Variants in OR1J2 observed in about 807,000 individuals in gnomAD.
The protein encoded by OR1J2 is olfactory receptor 1J2.
For missense variants in OR1J2, 304 were observed against 246.1 expected (o/e 1.24, Z -1.57); for synonymous variants, 142 against 99.7 (o/e 1.42, Z -2.52).
At chr9:122,457,568 C>T in the OR1J2 span, among the ~76,000 whole-genome samples, 1 of 150,102 alleles carries the variant, frequency 6.7e-6, no homozygotes, top group African/African-American at 2.4e-5. Context: ...GAAACTATGG[C>T]CCATTCATGG....
the OR1J2 span, among the ~76,000 whole-genome samples, chr9:122,525,968 A>C: frequency 6.6e-6 from 1 of 152,238 alleles, no homozygotes; most frequent in South Asian, 2.1e-4. Flanking sequence ...GCTCAGTGTC[A>C]TAACCCTAGC....
chr9:122,449,976 G>A, the OR1J2 span, among the ~76,000 whole-genome samples: 13 of 152,076 alleles, frequency 8.5e-5, no homozygotes, highest in African/African-American at 2.9e-4. Flanking sequence ...TTTGCCATAT[G>A]TTCCTTGGGC....
the OR1J2 span, among the ~76,000 whole-genome samples, chr9:122,462,106 A>C: frequency 6.6e-6 from 1 of 152,152 alleles, no homozygotes; most frequent in Admixed American, 6.5e-5. Flanking sequence ...CTCTAGTGTT[A>C]GGTGCATATA....
At chr9:122,526,453 G>A in the OR1J2 span, 1 of 1,537,458 alleles carries the variant, frequency 6.5e-7, no homozygotes, top group Non-Finnish European at 8.7e-7. Flanking sequence ...TTCAACATGG[G>A]AGTCACTATG....
At chr9:122,533,615 G>A in the OR1J2 span, among the ~76,000 whole-genome samples, 1 of 152,128 alleles carries the variant, frequency 6.6e-6, no homozygotes, top group East Asian at 1.9e-4. Flanking sequence ...AGCCTAATAA[G>A]GGAACTGGGC....
chr9:122,512,528 G>T (rs1315734440), downstream of OR1J2, among the ~76,000 whole-genome samples: 2 of 152,166 alleles, frequency 1.3e-5, no homozygotes, highest in African/African-American at 2.4e-5. Context: ...CTGAATTCTG[G>T]TAGTAGATGG....
At chr9:122,560,087 CTTGT>C in the OR1J2 span, among the ~76,000 whole-genome samples, 2 of 151,998 alleles carry the variant, frequency 1.3e-5, no homozygotes, top group South Asian at 2.1e-4. Context: ...ATATAATGCC[CTTGT>C]TTGTCTTTTT....
the OR1J2 span, among the ~76,000 whole-genome samples, chr9:122,527,534 T>G: frequency 6.6e-6 from 1 of 152,220 alleles, no homozygotes; most frequent in Non-Finnish European, 1.5e-5. Flanking sequence ...TCAGGGCATA[T>G]TCTCCCTTGG....
the OR1J2 span, chr9:122,553,448 C>T: frequency 1.9e-6 from 3 of 1,614,152 alleles, no homozygotes; most frequent in East Asian, 2.2e-5. Context: ...TCACTTCTGC[C>T]TCCATCCCCA....
the OR1J2 span, among the ~76,000 whole-genome samples, chr9:122,455,293 A>G: frequency 1.3e-5 from 2 of 152,214 alleles, no homozygotes; most frequent in South Asian, 2.1e-4. Context: ...GGAATAAACT[A>G]TTGTCCACAC....
chr9:122,542,947 C>T, the OR1J2 span, among the ~76,000 whole-genome samples: 17 of 152,276 alleles, frequency 1.1e-4, no homozygotes, highest in Admixed American at 3.9e-4. Context: ...ATGTCAGTAA[C>T]GTATGTTTTC....
At chr9:122,501,090 C>T in the OR1J2 span, among the ~76,000 whole-genome samples, 2 of 152,252 alleles carry the variant, frequency 1.3e-5, no homozygotes, top group African/African-American at 4.8e-5. Context: ...AAAACCTGCA[C>T]ATGCTCCAAA....
the OR1J2 span, among the ~76,000 whole-genome samples, chr9:122,504,799 G>T: frequency 6.6e-6 from 1 of 151,986 alleles, no homozygotes; most frequent in African/African-American, 2.4e-5. Context: ...ATAGCTTCCT[G>T]TATCTGGCAT....
At chr9:122,527,208 A>G in the OR1J2 span, 149 of 1,613,980 alleles carry the variant, frequency 9.2e-5, no homozygotes, top group Non-Finnish European at 1.1e-4. Flanking sequence ...CATACACAGG[A>G]AAATTCCGAA....
At chr9:122,503,180 A>G in the OR1J2 span, among the ~76,000 whole-genome samples, 44 of 152,348 alleles carry the variant, frequency 2.9e-4, no homozygotes, top group African/African-American at 1.0e-3. Context: ...ATGATGATAA[A>G]TGAGATCTTG....
the OR1J2 span, among the ~76,000 whole-genome samples, chr9:122,539,986 T>C: frequency 8.5e-5 from 13 of 152,316 alleles, no homozygotes; most frequent in Non-Finnish European, 1.6e-4. Flanking sequence ...TGTAAATTTG[T>C]TTGAGTTCAT....
the OR1J2 span, among the ~76,000 whole-genome samples, chr9:122,448,456 C>G: frequency 5.9e-5 from 9 of 152,256 alleles, no homozygotes; most frequent in African/African-American, 2.2e-4. Context: ...CCTCTTATCT[C>G]AACTGCAAGA....
the OR1J2 span, among the ~76,000 whole-genome samples, chr9:122,502,221 C>G: frequency 1.3e-5 from 2 of 152,204 alleles, no homozygotes; most frequent in Admixed American, 1.3e-4. Context: ...TTCTCAGAGT[C>G]TGTGACATTC....
chr9:122,476,066 A>G, the OR1J2 span, among the ~76,000 whole-genome samples: 1 of 152,192 alleles, frequency 6.6e-6, no homozygotes, highest in Non-Finnish European at 1.5e-5. Flanking sequence ...ATTAAGTTAG[A>G]TGATTTTAAG....
Sources: allele counts gnomAD v4.1 joint callset (sites outside exome capture counted in the v4.1 genomes callset), GRCh38; gene constraint gnomAD v4.1.1; transcripts MANE v1.5; gene names NCBI Gene and HGNC (gene_info 2026-07-23, HGNC 2026-07-21).